The following HIVEP2 variants were observed in gnomAD, a reference collection of about 807,000 sequenced individuals.
The protein encoded by HIVEP2 is transcription factor HIVEP2.
In HIVEP2, 14 loss-of-function variants were observed where a neutral mutation model predicts 180.7. The observed-to-expected ratio is 0.08, with a 90% CI of 0.05 to 0.12. HIVEP2 has a LOEUF of 0.12. Ranked by LOEUF, HIVEP2 falls within the 10% of genes least tolerant of loss-of-function variation. The pLI, the probability that HIVEP2 is intolerant of heterozygous loss-of-function variation, is 1.00. For synonymous variants in HIVEP2, 1,184 were observed against 1,136.4 expected, an observed-to-expected ratio of 1.04 and a Z score of -0.84; for missense variants, 2,579 against 3,008.5, an observed-to-expected ratio of 0.86 and a Z score of 3.34.
intron 2 of HIVEP2, among the ~76,000 whole-genome samples, chr6:142,810,203 T>C (rs911636116): frequency 1.3e-5 from 2 of 152,350 alleles, no homozygotes; most frequent in East Asian, 3.9e-4. Context: ...TGTTGCTCAA[T>C]AATGATAGCA....
intron 5 of HIVEP2, among the ~76,000 whole-genome samples, chr6:142,768,950 A>C (rs1160523401): frequency 6.6e-6 from 1 of 152,048 alleles, no homozygotes; most frequent in African/African-American, 2.4e-5. Flanking sequence ...TAAATCCTCT[A>C]TTTGCCTCCT....
chr6:142,771,776 G>A lies in HIVEP2; in HGVS notation c.2963C>T (p.Thr988Ile), dbSNP rs1456774761. The part of the protein sequence containing the change: ...SFSMSFEREE[T>I]SKLSALPKQD... ...CTTAGGAAGTGCAGAAAGCTTACTG[G>A]TTTCTTCTCTTTCAAAAGACATGGA... Residue 988 changes from threonine (T) to isoleucine (I), a missense_variant, in exon 5 of 10, where the codon ACC (threonine) becomes ATC (isoleucine). Physicochemically the swap from Thr to Ile is moderately conservative, Grantham distance 89 (BLOSUM62 -1). Coordinates refer to ENST00000367603, the MANE Select transcript of HIVEP2 (RefSeq NM_006734.4). This position sits in a 1 kb window ranked among gnomAD's most constrained non-coding sequence, Gnocchi z 5.4. 2 of 1,614,088 alleles carry A rather than the reference G, an allele frequency of 1.2e-6. No homozygotes were observed. Among genetic ancestry groups the A allele is most frequent in the African/African-American group, 1.3e-5 (1 of 74,928 alleles).
At chr6:142,837,375 A>G (rs1247840367) in intron 1 of HIVEP2, among the ~76,000 whole-genome samples, 1 of 152,090 alleles carries the variant, frequency 6.6e-6, no homozygotes, top group African/African-American at 2.4e-5. Flanking sequence ...GGGAAAATGC[A>G]ATTTATTGCT....
chr6:142,762,980 A>G (rs895842460), intron 7 of HIVEP2, among the ~76,000 whole-genome samples: 22 of 152,334 alleles, frequency 1.4e-4, no homozygotes, highest in Admixed American at 1.1e-3. Flanking sequence ...AAATGTATCT[A>G]CAAATTAATA....
intron 1 of HIVEP2, among the ~76,000 whole-genome samples, chr6:142,855,171 G>A (rs1018354311): frequency 2.6e-5 from 4 of 152,134 alleles, no homozygotes; most frequent in African/African-American, 9.7e-5. Context: ...AGTGTCTGTG[G>A]GCTACAATAG....
At chr6:142,807,361 G>A (rs1582877057) in intron 2 of HIVEP2, among the ~76,000 whole-genome samples, 2 of 152,268 alleles carry the variant, frequency 1.3e-5, no homozygotes, top group African/African-American at 4.8e-5. Context: ...AGTTCATCCA[G>A]GTCAAGATGT....
chr6:142,793,675 C>CTTTCTTTCTT lies in HIVEP2; in HGVS notation c.-527-10061_-527-10060insAAGAAAGAAA, dbSNP rs60365543. On this transcript the variant is annotated intron_variant, in intron 2 of 9. Transcript: ENST00000367603. ...TTCTTTCTTTTTTCTTTCTTTCTTT[C>CTTTCTTTCTT]TCTCTCTCTCTCTCTCTCTCTCTGT... 2.2e-3 allele frequency among the ~76,000 whole-genome samples: 273 copies of CTTTCTTTCTT among 122,856 alleles called. 2 individuals are homozygous for CTTTCTTTCTT. Among genetic ancestry groups the CTTTCTTTCTT allele is most frequent in the Non-Finnish European group, 2.6e-3 (157 of 59,528 alleles). 80.6% of individuals were successfully genotyped at this position (122,856 alleles called of 152,430 possible).
At chr6:142,875,841 C>G (rs1358496166) in intron 1 of HIVEP2, among the ~76,000 whole-genome samples, 1 of 152,036 alleles carries the variant, frequency 6.6e-6, no homozygotes, top group African/African-American at 2.4e-5. Context: ...CATTGGACAG[C>G]CAAGTGCATG....
At chr6:142,832,708 T>C (rs1436817494) in intron 2 of HIVEP2, among the ~76,000 whole-genome samples, 3 of 152,210 alleles carry the variant, frequency 2.0e-5, no homozygotes, top group Non-Finnish European at 2.9e-5. Context: ...TAGTGAAAAC[T>C]GTAACTGCCA....
chr6:142,791,872 T>G (rs1386272111), intron 2 of HIVEP2, among the ~76,000 whole-genome samples: 2 of 152,158 alleles, frequency 1.3e-5, no homozygotes, highest in African/African-American at 4.8e-5. Context: ...GGAAAACATA[T>G]GAACAACGAG....
chr6:142,811,310 C>T (rs1383907062), intron 2 of HIVEP2, among the ~76,000 whole-genome samples: 1 of 152,162 alleles, frequency 6.6e-6, no homozygotes, highest in Non-Finnish European at 1.5e-5. Context: ...AAATGCAACA[C>T]ATGCAAACTC....
intron 1 of HIVEP2, among the ~76,000 whole-genome samples, chr6:142,890,220 A>G (rs914392947): frequency 1.3e-5 from 2 of 152,216 alleles, no homozygotes; most frequent in Admixed American, 6.5e-5. Flanking sequence ...TACATCAGTA[A>G]AACAATCCAT....
intron 1 of HIVEP2, among the ~76,000 whole-genome samples, chr6:142,859,105 T>C (rs1206582217): frequency 6.6e-6 from 1 of 152,194 alleles, no homozygotes; most frequent in Non-Finnish European, 1.5e-5. Flanking sequence ...AGGAACTATG[T>C]AGATACTGTA....
intron 1 of HIVEP2, among the ~76,000 whole-genome samples, chr6:142,888,082 A>G (rs970433336): frequency 2.0e-5 from 3 of 152,216 alleles, no homozygotes; most frequent in African/African-American, 7.2e-5. Context: ...AACTATATTC[A>G]AAAAATGGGA....
rs528241323 is a variant in HIVEP2 at position 142,798,948 on chromosome 6, A to C, written c.-527-15333T>G. On this transcript the variant is annotated intron_variant, in intron 2 of 9. Transcript: ENST00000367603. ...TCTTATTTATATATTAGCAGAGTTAAGTTTCCAGAAGCTATAAATACAGGC... is the reference window on the plus strand; with the variant it reads ...TCTTATTTATATATTAGCAGAGTTACGTTTCCAGAAGCTATAAATACAGGC... Among the ~76,000 whole-genome samples, 5 of 152,294 alleles carry C rather than the reference A, an allele frequency of 3.3e-5. No individual in the cohort carries two copies. In the East Asian group the frequency reaches 7.7e-4, roughly 24 times the overall value.
chr6:142,809,332 C>T (rs776403794), intron 2 of HIVEP2, among the ~76,000 whole-genome samples: 1 of 152,086 alleles, frequency 6.6e-6, no homozygotes, highest in East Asian at 1.9e-4. Flanking sequence ...CCCTGCCTCA[C>T]CCATCCTGAG....
At chr6:142,758,440 A>C (rs1189869906) in intron 9 of HIVEP2, among the ~76,000 whole-genome samples, 2 of 152,204 alleles carry the variant, frequency 1.3e-5, no homozygotes, top group African/African-American at 4.8e-5. Context: ...CAGGGCAGTG[A>C]TAAAACAGAG....
chr6:142,862,752 A>G (rs1165722010), intron 1 of HIVEP2, among the ~76,000 whole-genome samples: 1 of 137,348 alleles, frequency 7.3e-6, no homozygotes, highest in Admixed American at 7.7e-5. Context: ...ATTATACATT[A>G]CATATATTAT....
intron 1 of HIVEP2, among the ~76,000 whole-genome samples, chr6:142,917,933 G>C (rs1034314805): frequency 1.3e-5 from 2 of 152,076 alleles, no homozygotes; most frequent in African/African-American, 4.8e-5. Context: ...GCACCACCAC[G>C]CCTGGCTGAT....
Sources: gnomAD v4.1 joint callset for allele counts (sites outside exome capture counted in the v4.1 genomes callset) on GRCh38, gnomAD v4.1.1 for gene constraint, Gnocchi (gnomAD v3.1) non-coding constraint, MANE v1.5 for transcripts, NCBI Gene and HGNC (gene_info 2026-07-23, HGNC 2026-07-21) for gene names.